The following OTUD7A variants were observed in gnomAD, a reference collection of about 807,000 sequenced individuals.
OTUD7A encodes the protein OTU domain-containing protein 7A.
In OTUD7A, 12 loss-of-function variants were observed where a neutral mutation model predicts 65.7. The observed-to-expected ratio is 0.18, with a 90% confidence interval of 0.12 to 0.30. The LOEUF is 0.30. OTUD7A is among the 10% of genes least tolerant of loss of function. The pLI, the probability that OTUD7A is intolerant of heterozygous loss-of-function variation, is 1.00. For synonymous variants in OTUD7A, 641 were observed against 586.3 expected, an observed-to-expected ratio of 1.09 and a Z score of -1.35; for missense variants, 1,148 against 1,304.8, an observed-to-expected ratio of 0.88 and a Z score of 1.85.
intron 1 of OTUD7A, among the ~76,000 whole-genome samples, chr15:31,717,454 T>C (rs1345485728): frequency 3.9e-5 from 6 of 152,168 alleles, no homozygotes; most frequent in South Asian, 2.1e-4. Context: ...TGTGTTCTCA[T>C]TGTTCAACTC....
chr15:31,742,456 A>C (rs1363759223), intron 1 of OTUD7A, among the ~76,000 whole-genome samples: 1 of 152,096 alleles, frequency 6.6e-6, no homozygotes, highest in African/African-American at 2.4e-5. Flanking sequence ...AACCACTGAG[A>C]TTTTATAAAT....
intron 3 of OTUD7A, among the ~76,000 whole-genome samples, chr15:31,590,038 T>G (rs1889672514): frequency 6.6e-6 from 1 of 152,122 alleles, no homozygotes; most frequent in South Asian, 2.1e-4. Flanking sequence ...CACCATCATG[T>G]GCTATATGAC....
At chr15:31,513,349 C>T (rs891578709) in intron 8 of OTUD7A, among the ~76,000 whole-genome samples, 2 of 152,230 alleles carry the variant, frequency 1.3e-5, no homozygotes, top group East Asian at 3.8e-4. Flanking sequence ...GAACATCCTC[C>T]TACACAACCA....
At chr15:31,577,706 T>C (rs114805982) in intron 3 of OTUD7A, among the ~76,000 whole-genome samples, 1 of 151,898 alleles carries the variant, frequency 6.6e-6, no homozygotes, top group African/African-American at 2.4e-5. Context: ...TCTCAAAAAA[T>C]ATATATATAT....
chr15:31,739,581 C>T (rs1894283546), intron 1 of OTUD7A, among the ~76,000 whole-genome samples: 1 of 152,046 alleles, frequency 6.6e-6, no homozygotes, highest in South Asian at 2.1e-4. Context: ...ATGCAATGCC[C>T]ACATTTGCTC....
intron 6 of OTUD7A, among the ~76,000 whole-genome samples, chr15:31,530,288 C>A (rs2042068343): frequency 6.6e-6 from 1 of 152,244 alleles, no homozygotes; most frequent in African/African-American, 2.4e-5. Flanking sequence ...ACCCCTACCT[C>A]CAAACACCCT....
chr15:31,780,521 G>C (rs1595764154), intron 1 of OTUD7A, among the ~76,000 whole-genome samples: 1 of 152,196 alleles, frequency 6.6e-6, no homozygotes, highest in Admixed American at 6.5e-5. Flanking sequence ...CCTGACTCCA[G>C]ATCTGTGGGC....
chr15:31,841,435 C>G (rs1897180173), intron 1 of OTUD7A, among the ~76,000 whole-genome samples: 1 of 152,156 alleles, frequency 6.6e-6, no homozygotes, highest in Non-Finnish European at 1.5e-5. Context: ...AGGACACATG[C>G]AACAAGTGGT....
intron 1 of OTUD7A, among the ~76,000 whole-genome samples, chr15:31,675,849 T>C (rs897845391): frequency 6.6e-6 from 1 of 152,196 alleles, no homozygotes; most frequent in Non-Finnish European, 1.5e-5. Flanking sequence ...AAACCTTTAT[T>C]TTTTTTCCTT....
At chr15:31,820,240 A>G (rs1201994137) in intron 1 of OTUD7A, among the ~76,000 whole-genome samples, 1 of 152,244 alleles carries the variant, frequency 6.6e-6, no homozygotes, top group Non-Finnish European at 1.5e-5. Flanking sequence ...CTATAAGATG[A>G]CTTCAAGTCT....
At chr15:31,678,740 G>C (rs1475822746) in intron 1 of OTUD7A, among the ~76,000 whole-genome samples, 1 of 152,352 alleles carries the variant, frequency 6.6e-6, no homozygotes, top group East Asian at 1.9e-4. Flanking sequence ...TTTGCTGCAG[G>C]GGCAAAGCCC....
intron 8 of OTUD7A, among the ~76,000 whole-genome samples, chr15:31,511,386 A>AACACATATATATGTATATCTATATGTAAC (rs1566893607): frequency 0.063 from 286 of 4,556 alleles, 139 homozygotes; most frequent in Admixed American, 0.12. Context: ...ATCTATATGT[A>AACACATATATATGTATATCTATATGTAAC]ACACATATAT....
At chr15:31,647,690 C>T (rs1891716838) in intron 3 of OTUD7A, among the ~76,000 whole-genome samples, 1 of 151,982 alleles carries the variant, frequency 6.6e-6, no homozygotes. Context: ...CCATCTGTCT[C>T]CATGTGGGCA....
chr15:31,492,513 G>C (rs896057332), intron 10 of OTUD7A, among the ~76,000 whole-genome samples: 1 of 151,724 alleles, frequency 6.6e-6, no homozygotes, highest in Non-Finnish European at 1.5e-5. Context: ...AGGAGGCGGA[G>C]GCTGCAGTGA....
intron 1 of OTUD7A, among the ~76,000 whole-genome samples, chr15:31,816,403 T>TCACATGGCTGGGCACGGTGG (rs1896549443): frequency 6.6e-6 from 1 of 152,096 alleles, no homozygotes; most frequent in African/African-American, 2.4e-5. Context: ...AAAATTAGAA[T>TCACATGGCTGGGCACGGTGG]CACATGGCTG....
At chr15:31,568,058 C>T (rs1888931808) in intron 4 of OTUD7A, among the ~76,000 whole-genome samples, 1 of 152,228 alleles carries the variant, frequency 6.6e-6, no homozygotes, top group Admixed American at 6.5e-5. Context: ...GGTTGGAGGC[C>T]CCACACAGAG....
At chr15:31,632,567 G>T (rs1891203791) in intron 3 of OTUD7A, among the ~76,000 whole-genome samples, 1 of 151,946 alleles carries the variant, frequency 6.6e-6, no homozygotes, top group Non-Finnish European at 1.5e-5. Flanking sequence ...CTGCTCGGGG[G>T]TCAAGGACCC....
Position 31,726,954 on chromosome 15 carries a change from G to A in OTUD7A, c.-99-69877C>T, listed in dbSNP as rs1259161208. ...ATGTCCTATTACGATACATGGAAAC[G>A]TCTGAAATCTTCACTTACATCTCCC... On this transcript the variant is annotated intron_variant, in intron 1 of 12. Coordinates refer to ENST00000307050, the MANE Select transcript of OTUD7A (RefSeq NM_001382637.1). Among the ~76,000 whole-genome samples, 18 of 152,320 alleles carry A rather than the reference G, an allele frequency of 1.2e-4. 1 individual carries two copies. The highest frequency in any genetic ancestry group is 6.8e-3 in the Middle Eastern group (2 of 294).
At chr15:31,722,362 C>T (rs1299777394) in intron 1 of OTUD7A, among the ~76,000 whole-genome samples, 1 of 152,196 alleles carries the variant, frequency 6.6e-6, no homozygotes, top group Non-Finnish European at 1.5e-5. Flanking sequence ...GGCCATTACA[C>T]AAGGCTTCTT....
Sources: gnomAD v4.1 joint callset for allele counts (sites outside exome capture counted in the v4.1 genomes callset) on GRCh38, gnomAD v4.1.1 for gene constraint, MANE v1.5 for transcripts, NCBI Gene and HGNC (gene_info 2026-07-23, HGNC 2026-07-21) for gene names.